Variants in CEP104 observed in about 807,000 individuals in gnomAD.
The protein encoded by CEP104 is centrosomal protein of 104 kDa.
Under a neutral mutation model 113.3 loss-of-function variants are expected in CEP104, and 84 were observed. The observed-to-expected ratio is 0.74, with a 90% confidence interval of 0.62 to 0.89. The LOEUF (loss-of-function observed/expected upper bound fraction) is 0.89, where lower values mean the gene tolerates loss of function less well. Among genes scored for constraint, CEP104 ranks in the 40% least tolerant of loss-of-function variants. CEP104 has a pLI of 0.00. For synonymous variants in CEP104, 378 were observed against 421.7 expected (o/e 0.90, Z 1.27); for missense variants, 1,053 against 1,156.6 (o/e 0.91, Z 1.30).
Position 3,836,635 on chromosome 1 carries a change from C to T in CEP104, c.1177G>A (p.Glu393Lys). 1.2e-6 allele frequency: 2 copies of T among 1,613,932 alleles called. No individual in the cohort carries two copies. The highest frequency in any genetic ancestry group is 1.7e-6 in the Non-Finnish European group (2 of 1,180,026). The change falls in exon 10 of 22, where the codon GAG becomes AAG. Residue 393 changes from glutamate to lysine, a missense_variant. By Grantham distance (56) the Glu-to-Lys change is moderately conservative (BLOSUM62 1). Coordinates refer to ENST00000378230, the MANE Select transcript of CEP104 (RefSeq NM_014704.4). ...CTCATTTCCGGCTCCACCACTGCCT[C>T]CCCATAATGCTTACGAATAGCTGGA... ...PLPAIRKHYG[E>K]AVVEPEMSNA...
rs778211002 is a variant in CEP104, at chr1:3,831,013, C to T, written c.1836+33G>A. On this transcript the variant is annotated intron_variant, in intron 13 of 21. Transcript: ENST00000378230. Reference sequence around the variant, plus strand: ...TCCAGGCACTGTGGTGAGTGCTGGGCCGCGTGGTGTGTCACACGCGAGGTC... The same window carrying T: ...TCCAGGCACTGTGGTGAGTGCTGGGTCGCGTGGTGTGTCACACGCGAGGTC... The T allele has an allele frequency of 9.4e-6, 15 of 1,595,648 alleles. No homozygotes were observed. In the African/African-American group the frequency reaches 1.6e-4, roughly 17 times the overall value.
At position 3,837,341 on chromosome 1, in the gene CEP104, G is replaced by C; in HGVS notation, c.1070C>G (p.Ser357Cys). The change falls in exon 9 of 22, where the codon TCT becomes TGT. Residue 357 changes from serine to cysteine, a missense_variant. Transcript: ENST00000378230. The stretch of plus-strand genomic sequence containing the variant: ...GGCAGGGAGTAACGGGTCTACTGCA[G>C]AATGCTGAGGAGAAATAGTTAGAGA... Reference protein sequence around the residue: ...SYSLTISPQHSAVDPLLPATD... With the variant: ...SYSLTISPQHCAVDPLLPATD... 1.9e-6 allele frequency: 3 copies of C among 1,614,114 alleles called. No homozygotes were observed. Among genetic ancestry groups the C allele is most frequent in the Non-Finnish European group, 2.5e-6 (3 of 1,179,972 alleles).
intron 2 of CEP104, 150 bp from the exon 3 acceptor site, chr1:3,848,931 C>T (rs960506267): frequency 2.3e-5 from 14 of 607,266 alleles, no homozygotes; most frequent in East Asian, 1.7e-4. Flanking sequence ...AAGATGCCTG[C>T]GACATGATTC....
chr1:3,830,132 A>G, intron 13 of CEP104, 135 bp from the exon 14 acceptor site: 1 of 653,832 alleles, frequency 1.5e-6, no homozygotes, highest in Non-Finnish European at 2.6e-6. Context: ...AAATACTTCA[A>G]ACATAAAACC....
At chr1:3,853,352 C>T (rs541425234) in intron 1 of CEP104, among the ~76,000 whole-genome samples, 68 of 152,020 alleles carry the variant, frequency 4.5e-4, no homozygotes, top group African/African-American at 1.6e-3. Flanking sequence ...GTTACTAAGC[C>T]AGTCAGATTC....
chr1:3,822,929 C>A (rs2124641389), intron 20 of CEP104: 2 of 504,578 alleles, frequency 4.0e-6, no homozygotes, highest in Non-Finnish European at 7.1e-6. Flanking sequence ...GTGACACAGG[C>A]TGGGCCTCAG....
intron 3 of CEP104, among the ~76,000 whole-genome samples, chr1:3,848,086 C>T (rs1303842406): frequency 1.3e-5 from 2 of 152,088 alleles, no homozygotes; most frequent in African/African-American, 4.8e-5. Flanking sequence ...ATTTCCACAT[C>T]TGAAAAGTAG....
chr1:3,817,078 C>T (rs1244280828), intron 20 of CEP104, among the ~76,000 whole-genome samples: 2 of 152,224 alleles, frequency 1.3e-5, no homozygotes, highest in Non-Finnish European at 2.9e-5. Context: ...CGCCTGTAAT[C>T]CCAACACTTT....
rs762115626 is a variant in CEP104 at position 3,833,914 on chromosome 1, C to G, written c.1607G>C (p.Arg536Thr). ...VERTIPVLLT[R>T]TGDSSARLRV... The stretch of plus-strand genomic sequence containing the variant: ...GAGGCGGGCAGAAGAATCTCCAGTT[C>G]TGGTGAGCAAAACGGGAATGGTCCT... The change falls in exon 12 of 22, where the codon AGA becomes ACA. Residue 536 changes from arginine to threonine, a missense_variant. By Grantham distance (71) the Arg-to-Thr change is moderately conservative. Transcript: ENST00000378230. The G allele has an allele frequency of 1.9e-6, 3 of 1,614,216 alleles. No homozygotes were observed. Among genetic ancestry groups the G allele is most frequent in the South Asian group, 2.2e-5 (2 of 91,088 alleles).
At chr1:3,838,870 C>A (rs1644362571) in intron 8 of CEP104, 94 bp downstream of exon 8, 2 of 1,371,684 alleles carry the variant, frequency 1.5e-6, no homozygotes, top group East Asian at 2.3e-5. Flanking sequence ...TTTTACACTA[C>A]ACTTCAAAGA....
intron 6 of CEP104, among the ~76,000 whole-genome samples, chr1:3,841,885 C>G (rs765788314): frequency 1.3e-5 from 2 of 152,230 alleles, no homozygotes; most frequent in Non-Finnish European, 2.9e-5. Context: ...TCCTGCCCTA[C>G]TGCACTTGCT....
intron 20 of CEP104, among the ~76,000 whole-genome samples, chr1:3,817,473 C>G (rs938618566): frequency 2.6e-5 from 4 of 152,196 alleles, no homozygotes; most frequent in African/African-American, 7.2e-5. Context: ...CTGTCAGTTT[C>G]TGGCCACCTG....
In CEP104 at chr1:3,844,933, G is replaced by A; in HGVS notation, c.540C>T (p.Asp180=). ...IDHYLGHNSE[D]PALEGTYARK... is the part of the protein sequence containing the mutation. ...TGGCGTACGTTCCTTCTAGAGCAGG[G>A]TCCTCGCTGTTGTGCCCAAGGTAGT... Residue 180 remains aspartate (D), a synonymous_variant, in exon 6 of 22, where the codon GAC becomes GAT. Transcript: ENST00000378230. 2.5e-6 allele frequency: 4 copies of A among 1,614,112 alleles called. No homozygotes were observed. Among genetic ancestry groups the A allele is most frequent in the South Asian group, 1.1e-5 (1 of 91,074 alleles).
Position 3,829,953 on chromosome 1 carries a change from C to T in CEP104, c.1881G>A (p.Glu627=). 6.2e-7 allele frequency: 1 copy of T among 1,614,224 alleles called. No homozygotes were observed. The highest frequency in any genetic ancestry group is 1.3e-5 in the African/African-American group (1 of 75,056). The part of the protein sequence containing the change: ...ALEHRVYEVR[E]TAVRIILDMY... ...TGTCCAAAATAATTCGAACCGCCGTCTCGCGGACCTCATACACTCTATGCT... is the reference window on the plus strand; with the variant it reads ...TGTCCAAAATAATTCGAACCGCCGTTTCGCGGACCTCATACACTCTATGCT... The change falls in exon 14 of 22, where the codon GAG becomes GAA. Residue 627 remains glutamate, a synonymous_variant. Transcript: ENST00000378230.
In CEP104 at chr1:3,823,319, C is replaced by CAGG. The variant is rs1644017096; in HGVS notation, c.2504-79_2504-78insCCT. The CAGG allele has an allele frequency of 5.6e-6, 9 of 1,605,954 alleles. No individual in the cohort carries two copies. The South Asian group carries it at 9.9e-5, about 18-fold the overall frequency. On this transcript the variant is annotated intron_variant, in intron 19 of 21. Transcript: ENST00000378230. The surrounding 1 kb of genome is among the most constrained non-coding windows in gnomAD (Gnocchi z 4.1). ...CATGCTGCTGGCCTGCCCGCAGGTG[C>CAGG]CCTTTAATTCACCAAGCCCTTGCAC...
At chr1:3,830,971 T>G in intron 13 of CEP104, 75 bp downstream of exon 13, 89 of 1,398,716 alleles carry the variant, frequency 6.4e-5, no homozygotes, top group Non-Finnish European at 8.1e-5. Flanking sequence ...CAAATGCCGA[T>G]GAGACCCTCG....
intron 4 of CEP104, among the ~76,000 whole-genome samples, chr1:3,846,413 T>C (rs1025874117): frequency 1.8e-4 from 28 of 152,318 alleles, no homozygotes; most frequent in African/African-American, 6.0e-4. Context: ...AGTTTTGAAA[T>C]GAAATTTTTT....
Position 3,814,899 on chromosome 1 carries a change from T to A in CEP104, c.*503A>T, listed in dbSNP as rs1643851724. The stretch of plus-strand genomic sequence containing the variant: ...GGGGCCTGCAGGGGGAAGGCACGGC[T>A]GGAGGCCCGTGCGCACCGCCACTCT... On this transcript the variant is annotated 3_prime_UTR_variant, in exon 22 of 22. Coordinates refer to ENST00000378230, the MANE Select transcript of CEP104 (RefSeq NM_014704.4). The A allele has an allele frequency of 6.5e-6, 1 of 153,988 alleles. No individual in the cohort carries two copies. Among genetic ancestry groups the A allele is most frequent in the Non-Finnish European group, 1.4e-5 (1 of 69,018 alleles). 9.5% of individuals were successfully genotyped at this position (153,988 alleles called of 1,614,324 possible). A position where few individuals can be genotyped will look rare whatever the true frequency, so the allele number is the denominator to read the frequency against.
At chr1:3,817,420 C>G (rs1310839544) in intron 20 of CEP104, among the ~76,000 whole-genome samples, 1 of 152,192 alleles carries the variant, frequency 6.6e-6, no homozygotes, top group Non-Finnish European at 1.5e-5. Context: ...CCACCAGACA[C>G]AGCCCTGCTT....
Sources: allele counts gnomAD v4.1 joint callset (sites outside exome capture counted in the v4.1 genomes callset), GRCh38; gene constraint gnomAD v4.1.1; non-coding constraint Gnocchi (gnomAD v3.1); transcripts MANE v1.5; gene names NCBI Gene and HGNC (gene_info 2026-07-23, HGNC 2026-07-21).